Variants in PROK1 observed in about 807,000 individuals in gnomAD.
The protein encoded by PROK1 is prokineticin 1.
A neutral mutation model predicts 8.8 loss-of-function variants in PROK1; 10 were observed. The ratio of observed to expected loss-of-function variants is 1.13; its 90% CI spans 0.70 to 1.92. PROK1 has a LOEUF of 1.92. Ranked by LOEUF, PROK1 falls within the 30% of genes most tolerant of loss-of-function variation. The probability of loss-of-function intolerance (pLI) is 0.00; values close to 1 mark genes in which losing one functional copy is unlikely to be tolerated. For synonymous variants in PROK1, 57 were observed against 56.0 expected (o/e 1.02, Z -0.08); for missense variants, 140 against 139.7 (o/e 1.00, Z -0.01).
chr1:110,455,331 G>T (rs377172279), intron 2 of PROK1, among the ~76,000 whole-genome samples: 5 of 152,144 alleles, frequency 3.3e-5, no homozygotes, highest in East Asian at 1.9e-4. Flanking sequence ...CCTGCTCTTC[G>T]GGGACTTGCC....
In PROK1 at chr1:110,454,044, G is replaced by A. The variant is rs757864792; in HGVS notation, c.156G>A (p.Pro52=). The part of the protein sequence containing the change: ...LWLRGLRMCT[P]LGREGEECHP... ...TTCGAGGGCTGCGGATGTGCACCCC[G>A]CTGGGGCGGGAAGGCGAGGAGTGCC... Residue 52 remains proline (P), a synonymous_variant, in exon 2 of 3, where the codon CCG becomes CCA. Coordinates refer to ENST00000271331, the MANE Select transcript of PROK1 (RefSeq NM_032414.3). 1.9e-6 allele frequency: 3 copies of A among 1,614,066 alleles called. No individual in the cohort carries two copies. The highest frequency in any genetic ancestry group is 2.2e-5 in the East Asian group (1 of 44,890).
chr1:110,456,164 G>T (rs774108662), intron 2 of PROK1, 68 bp from the exon 3 acceptor site: 4 of 1,579,654 alleles, frequency 2.5e-6, no homozygotes, highest in Non-Finnish European at 2.6e-6. Context: ...GCTGGGCTGA[G>T]CAGAGACTGC....
In PROK1 at chr1:110,451,171, G is replaced by T. The variant is rs371071753; in HGVS notation, c.-46G>T. ...GGCACAAGGCTGAGCGGGAGGAAGCGAGAGGCATCTAAGCAGGCAGTGTTT... is the reference window on the plus strand; with the variant it reads ...GGCACAAGGCTGAGCGGGAGGAAGCTAGAGGCATCTAAGCAGGCAGTGTTT... On this transcript the variant is annotated 5_prime_UTR_variant, in exon 1 of 3. Coordinates refer to ENST00000271331, the MANE Select transcript of PROK1 (RefSeq NM_032414.3). 2 of 1,584,906 alleles carry T rather than the reference G, an allele frequency of 1.3e-6. No homozygotes were observed. Among genetic ancestry groups the T allele is most frequent in the Non-Finnish European group, 1.7e-6 (2 of 1,153,618 alleles).
At chr1:110,456,019 A>T (rs1469173076) in intron 2 of PROK1, among the ~76,000 whole-genome samples, 1 of 152,204 alleles carries the variant, frequency 6.6e-6, no homozygotes, top group Non-Finnish European at 1.5e-5. Flanking sequence ...TAGCTCCTCC[A>T]CAAATTAGCT....
In PROK1 at chr1:110,456,330, C is replaced by G; in HGVS notation, c.297C>G (p.Asp99Glu). 1 of 1,614,114 alleles carries G rather than the reference C, an allele frequency of 6.2e-7. No individual in the cohort carries two copies. The highest frequency in any genetic ancestry group is 8.5e-7 in the Non-Finnish European group (1 of 1,180,042). The change falls in exon 3 of 3, where the codon GAC (aspartate) becomes GAG (glutamate). Residue 99 changes from aspartate (D) to glutamate (E), a missense_variant. By Grantham distance (45) the Asp-to-Glu change is conservative (BLOSUM62 2). Coordinates refer to ENST00000271331, the MANE Select transcript of PROK1 (RefSeq NM_032414.3). Reference sequence around the variant, plus strand: ...ACGGCAGGTACCGCTGCTCCATGGACTTGAAGAACATCAATTTTTAGGCGC... The same window carrying G: ...ACGGCAGGTACCGCTGCTCCATGGAGTTGAAGAACATCAATTTTTAGGCGC... Reference protein sequence around the residue: ...FPDGRYRCSMDLKNINF With the variant: ...FPDGRYRCSMELKNINF
Position 110,453,941 on chromosome 1 carries a change from C to T in PROK1, c.73-20C>T. The T allele has an allele frequency of 1.2e-6, 2 of 1,614,144 alleles. No homozygotes were observed. Among genetic ancestry groups the T allele is most frequent in the Non-Finnish European group, 1.7e-6 (2 of 1,179,998 alleles). ...CTTGGGTGCACTAATGAACTGTTCC[C>T]TTCTCTCTCCCTCCTACAGGCCTGT... On this transcript the variant is annotated intron_variant, in intron 1 of 2. Transcript: ENST00000271331.
rs142813074 is a variant in PROK1 at position 110,456,255 on chromosome 1, G to A, written c.222G>A (p.Lys74=). ...SHKVPFFRKR[K]HHTCPCLPNL... is the part of the protein sequence containing the mutation. ...AGGTCCCCTTCTTCAGGAAACGCAA[G>A]CACCACACCTGTCCTTGCTTGCCCA... is the stretch of plus-strand genomic sequence containing the variant. The change falls in exon 3 of 3, where the codon AAG becomes AAA. Residue 74 remains lysine, a synonymous_variant. Transcript: ENST00000271331. 1.1e-5 allele frequency: 18 copies of A among 1,613,584 alleles called. No homozygotes were observed. The highest frequency in any genetic ancestry group is 1.5e-5 in the Non-Finnish European group (18 of 1,180,040).
At position 110,454,234 on chromosome 1, in the gene PROK1, T is replaced by C. The variant is rs528950996; in HGVS notation, c.198+148T>C. 6.9e-4 allele frequency: 705 copies of C among 1,028,114 alleles called. 3 individuals carry two copies. The highest frequency in any genetic ancestry group is 8.8e-4 in the Non-Finnish European group (635 of 721,328). 63.7% of individuals were successfully genotyped at this position (1,028,114 alleles called of 1,614,324 possible). A position where few individuals can be genotyped will look rare whatever the true frequency, so the allele number is the denominator to read the frequency against. On this transcript the variant is annotated intron_variant, in intron 2 of 2. Transcript: ENST00000271331. The stretch of plus-strand genomic sequence containing the variant: ...TAGGGAGGCTGTGGCTCCAGAGGAC[T>C]TCACCCTCCTCTGATAGCTGATCCA...
intron 1 of PROK1, among the ~76,000 whole-genome samples, chr1:110,451,820 G>C (rs1198823332): frequency 6.6e-6 from 1 of 152,076 alleles, no homozygotes; most frequent in African/African-American, 2.4e-5. Context: ...TTCACTCTGT[G>C]CCTGCCTAGT....
intron 1 of PROK1, among the ~76,000 whole-genome samples, chr1:110,453,584 G>C (rs72975134): frequency 1.3e-5 from 2 of 152,232 alleles, no homozygotes; most frequent in African/African-American, 4.8e-5. Flanking sequence ...GGGCCATCAG[G>C]GTCCCTCCCA....
chr1:110,452,581 G>A (rs56006489), intron 1 of PROK1, among the ~76,000 whole-genome samples: 3,858 of 152,282 alleles, frequency 0.025, 166 homozygotes, highest in African/African-American at 0.088. Flanking sequence ...ATCTGAGAGC[G>A]GCAGGCAAAC....
At chr1:110,453,910 C>T (rs372495524) in intron 1 of PROK1, 51 bp from the exon 2 acceptor site, 30 of 1,612,930 alleles carry the variant, frequency 1.9e-5, no homozygotes, top group Non-Finnish European at 2.5e-5. Context: ...TTCCCTTCTG[C>T]TTTCTCTTGG....
At chr1:110,454,196 C>A in intron 2 of PROK1, 110 bp downstream of exon 2, 1 of 1,398,880 alleles carries the variant, frequency 7.1e-7, no homozygotes, top group South Asian at 1.4e-5. Flanking sequence ...AGGCTGGCTC[C>A]AGAGAGGCAG....
Position 110,454,002 on chromosome 1 carries a change from T to C in PROK1, c.114T>C (p.Cys38=), listed in dbSNP as rs748129530. 1 of 1,614,202 alleles carries C rather than the reference T, an allele frequency of 6.2e-7. No individual in the cohort carries two copies. The highest frequency in any genetic ancestry group is 8.5e-7 in the Non-Finnish European group (1 of 1,180,002). ...TCCAGTGTGGGGCAGGCACCTGCTG[T>C]GCCATCAGCCTGTGGCTTCGAGGGC... ...RDVQCGAGTC[C]AISLWLRGLR... is the part of the protein sequence containing the mutation. Residue 38 remains cysteine (C), a synonymous_variant, in exon 2 of 3, where the codon TGT becomes TGC. Coordinates refer to ENST00000271331, the MANE Select transcript of PROK1 (RefSeq NM_032414.3).
chr1:110,456,148 G>T, intron 2 of PROK1, 84 bp from the exon 3 acceptor site: 4 of 1,500,182 alleles, frequency 2.7e-6, no homozygotes, highest in Non-Finnish European at 3.7e-6. Flanking sequence ...TGAGACTTTT[G>T]CCAGTGCTGG....
chr1:110,454,193 C>A, intron 2 of PROK1, 107 bp downstream of exon 2: 1 of 1,430,662 alleles, frequency 7.0e-7, no homozygotes, highest in Non-Finnish European at 9.4e-7. Context: ...GAGAGGCTGG[C>A]TCCAGAGAGG....
At chr1:110,452,209 A>G (rs1011220554) in intron 1 of PROK1, among the ~76,000 whole-genome samples, 4 of 152,248 alleles carry the variant, frequency 2.6e-5, no homozygotes, top group African/African-American at 9.6e-5. Flanking sequence ...GAGAAATGCC[A>G]AACAATTCCT....
At chr1:110,451,843 G>A (rs1036513971) in intron 1 of PROK1, among the ~76,000 whole-genome samples, 6 of 152,146 alleles carry the variant, frequency 3.9e-5, no homozygotes, top group African/African-American at 1.4e-4. Context: ...GTTCTGAGAG[G>A]AATATGGGTG....
At chr1:110,451,539 T>C (rs576418625) in intron 1 of PROK1, among the ~76,000 whole-genome samples, 1 of 152,352 alleles carries the variant, frequency 6.6e-6, no homozygotes, top group Non-Finnish European at 1.5e-5. Context: ...TAGCAGAGCA[T>C]TGAACATTTT....
Sources: allele counts gnomAD v4.1 joint callset (sites outside exome capture counted in the v4.1 genomes callset), GRCh38; gene constraint gnomAD v4.1.1; transcripts MANE v1.5; gene names NCBI Gene and HGNC (gene_info 2026-07-23, HGNC 2026-07-21).